Variants in COL4A2 observed in about 807,000 individuals in gnomAD.
COL4A2 encodes collagen alpha-2(IV) chain.
COL4A2 carries 99 observed loss-of-function variants against 200.2 expected under a neutral mutation model. That is an observed-to-expected ratio of 0.49 (90% CI 0.42 to 0.58). The LOEUF is 0.58. Ranked by LOEUF, COL4A2 falls within the 20% of genes least tolerant of loss-of-function variation. COL4A2 has a pLI of 0.00. For missense variants in COL4A2, 1,950 were observed against 2,314.1 expected (o/e 0.84, Z 3.23); for synonymous variants, 897 against 900.6 (o/e 1.00, Z 0.07).
intron 20 of COL4A2, among the ~76,000 whole-genome samples, chr13:110,454,643 C>T (rs1174209450): frequency 6.6e-6 from 1 of 152,084 alleles, no homozygotes; most frequent in Non-Finnish European, 1.5e-5. Flanking sequence ...TGTCTTCTCC[C>T]CTCCACTCCC....
chr13:110,364,582 A>C (rs1161676524), intron 4 of COL4A2, among the ~76,000 whole-genome samples: 1 of 152,236 alleles, frequency 6.6e-6, no homozygotes, highest in African/African-American at 2.4e-5. Context: ...GGAAAGAAAG[A>C]GCCACATTAT....
chr13:110,448,402 A>T (rs1881407405), intron 18 of COL4A2, among the ~76,000 whole-genome samples: 1 of 152,194 alleles, frequency 6.6e-6, no homozygotes, highest in Admixed American at 6.5e-5. Context: ...GCGGATTCAG[A>T]AATGCGGAGG....
chr13:110,422,943 T>C (rs2139451707), intron 4 of COL4A2, among the ~76,000 whole-genome samples: 1 of 152,326 alleles, frequency 6.6e-6, no homozygotes, highest in East Asian at 1.9e-4. Context: ...AATGGCATTA[T>C]GAACATTCTG....
intron 8 of COL4A2, 196 bp from the exon 9 acceptor site, chr13:110,430,205 G>T (rs938302122): frequency 4.5e-5 from 31 of 696,398 alleles, no homozygotes; most frequent in Non-Finnish European, 6.3e-5. Flanking sequence ...GTTAATATTA[G>T]TAAATATTAA....
chr13:110,347,512 C>G (rs892417164), intron 3 of COL4A2, among the ~76,000 whole-genome samples: 1 of 152,234 alleles, frequency 6.6e-6, no homozygotes, highest in East Asian at 1.9e-4. Context: ...ACCTGCTCTT[C>G]AGCATCCTGG....
chr13:110,430,021 T>C, intron 8 of COL4A2, 65 bp downstream of exon 8: 1 of 1,468,068 alleles, frequency 6.8e-7, no homozygotes, highest in Non-Finnish European at 9.1e-7. Flanking sequence ...CTAACAAAGT[T>C]AATTGCCAAG....
Position 110,339,583 on chromosome 13 carries a change from G to GA in COL4A2, c.100-17881dup, listed in dbSNP as rs1436160964. Among the ~76,000 whole-genome samples, 18 of 151,818 alleles carry GA rather than the reference G, an allele frequency of 1.2e-4. 1 individual carries two copies. The South Asian group carries it at 1.7e-3, about 14-fold the overall frequency. On this transcript the variant is annotated intron_variant, in intron 3 of 47. Transcript: ENST00000360467. ...TTCTCTACAAGCCTCAGATATAGGG[G>GA]AAAAAAAACAAAAACAGAGTCAAAA...
chr13:110,444,929 C>G (rs1355089031), intron 16 of COL4A2, among the ~76,000 whole-genome samples: 2 of 152,214 alleles, frequency 1.3e-5, no homozygotes, highest in Non-Finnish European at 1.5e-5. Context: ...CAGCTCACTG[C>G]AACCTCAAAC....
intron 5 of COL4A2, 28 bp from the exon 6 acceptor site, chr13:110,424,925 T>C (rs1317251566): frequency 6.2e-7 from 1 of 1,614,184 alleles, no homozygotes; most frequent in Admixed American, 1.7e-5. Flanking sequence ...ATCTCAGCCT[T>C]GGTTAATTGC....
chr13:110,422,012 C>A (rs562906974), intron 4 of COL4A2, among the ~76,000 whole-genome samples: 1 of 152,154 alleles, frequency 6.6e-6, no homozygotes, highest in Non-Finnish European at 1.5e-5. Context: ...TGAAATAATC[C>A]CCCTGGTCAC....
rs114861941 is a variant in COL4A2 at position 110,508,359 on chromosome 13, G to A, written c.4881+138G>A. ...CAAGGGTAGTTGGCCCAGGAAGCGA[G>A]CGAGAGCTGGAACACAGCTTACACT... On this transcript the variant is annotated intron_variant, in intron 47 of 47. Coordinates refer to ENST00000360467, the MANE Select transcript of COL4A2 (RefSeq NM_001846.4). The surrounding 1 kb of genome is among the most constrained non-coding windows in gnomAD (Gnocchi z 6.1). The A allele has an allele frequency of 3.1e-3, 4,184 of 1,367,000 alleles. 53 individuals carry two copies. In the African/African-American group the frequency reaches 0.035, roughly 11 times the overall value. 84.7% of individuals were successfully genotyped at this position (1,367,000 alleles called of 1,614,324 possible).
chr13:110,447,372 A>G (rs1416794362), intron 18 of COL4A2, among the ~76,000 whole-genome samples: 3 of 152,302 alleles, frequency 2.0e-5, no homozygotes, highest in Middle Eastern at 3.4e-3. Context: ...ATATTTACAC[A>G]TAACAACCAC....
intron 29 of COL4A2, among the ~76,000 whole-genome samples, chr13:110,477,309 G>A (rs562955130): frequency 1.3e-5 from 2 of 152,368 alleles, no homozygotes; most frequent in East Asian, 1.9e-4. Flanking sequence ...CCGACACCAC[G>A]TTTCACTGCA....
intron 4 of COL4A2, among the ~76,000 whole-genome samples, chr13:110,364,988 G>A (rs1389209143): frequency 6.6e-6 from 1 of 152,172 alleles, no homozygotes; most frequent in Non-Finnish European, 1.5e-5. Flanking sequence ...CTGTATTCCT[G>A]GGGCCTATGC....
intron 4 of COL4A2, among the ~76,000 whole-genome samples, chr13:110,408,787 G>A (rs1034185657): frequency 7.2e-5 from 10 of 139,174 alleles, no homozygotes; most frequent in Admixed American, 3.1e-4. Context: ...CATGACACGC[G>A]TACACACACA....
chr13:110,419,594 C>T (rs1454935567), intron 4 of COL4A2, among the ~76,000 whole-genome samples: 1 of 152,144 alleles, frequency 6.6e-6, no homozygotes, highest in Non-Finnish European at 1.5e-5. Flanking sequence ...TTGATGAATG[C>T]GGGAGTGTCG....
rs190088232 is a variant in COL4A2 at position 110,391,244 on chromosome 13, A to C, written c.181-33490A>C. ...CAAACTCATACTTCAAGAAAATATT[A>C]AATAGTTGCAGTATCTACAGGGCCT... On this transcript the variant is annotated intron_variant, in intron 4 of 47. Transcript: ENST00000360467. 8.8e-4 allele frequency among the ~76,000 whole-genome samples: 134 copies of C among 152,312 alleles called. 1 individual carries two copies. Among genetic ancestry groups the C allele is most frequent in the African/African-American group, 3.0e-3 (125 of 41,572 alleles).
chr13:110,432,836 G>C (rs1223631493), intron 11 of COL4A2, among the ~76,000 whole-genome samples: 1 of 152,190 alleles, frequency 6.6e-6, no homozygotes, highest in Non-Finnish European at 1.5e-5. Flanking sequence ...TTAGGCTAGA[G>C]CCCAAAGCTG....
chr13:110,404,182 A>T (rs1404870149), intron 4 of COL4A2, among the ~76,000 whole-genome samples: 1 of 152,254 alleles, frequency 6.6e-6, no homozygotes, highest in Non-Finnish European at 1.5e-5. Context: ...ACAAAGAAGT[A>T]AAAGCTAGCA....
Sources: allele counts gnomAD v4.1 joint callset (sites outside exome capture counted in the v4.1 genomes callset), GRCh38; gene constraint gnomAD v4.1.1; non-coding constraint Gnocchi (gnomAD v3.1); transcripts MANE v1.5; gene names NCBI Gene and HGNC (gene_info 2026-07-23, HGNC 2026-07-21).